MACROD2: variants seen among roughly 807,000 people sequenced by gnomAD.
MACROD2 encodes ADP-ribose glycohydrolase MACROD2.
In MACROD2, 36 loss-of-function variants were observed where a neutral mutation model predicts 70.4. The ratio of observed to expected loss-of-function variants is 0.51; its 90% CI spans 0.39 to 0.68. MACROD2 has a LOEUF of 0.68. Ranked by LOEUF, MACROD2 falls within the 30% of genes least tolerant of loss-of-function variation. The pLI is 0.00. For missense variants in MACROD2, 496 were observed against 538.4 expected, an observed-to-expected ratio of 0.92 and a Z score of 0.78; for synonymous variants, 172 against 178.8, an observed-to-expected ratio of 0.96 and a Z score of 0.30.
At chr20:15,169,363 A>G (rs1305578383) in intron 5 of MACROD2, among the ~76,000 whole-genome samples, 1 of 152,134 alleles carries the variant, frequency 6.6e-6, no homozygotes. Context: ...AGGAAGTGCA[A>G]TACTTTTCAG....
At chr20:15,482,581 C>T (rs773413498) in intron 7 of MACROD2, among the ~76,000 whole-genome samples, 2 of 152,122 alleles carry the variant, frequency 1.3e-5, no homozygotes, top group Non-Finnish European at 2.9e-5. Flanking sequence ...TGTGCGAATA[C>T]CAAGGTGTGA....
intron 3 of MACROD2, among the ~76,000 whole-genome samples, chr20:14,150,809 G>A (rs2055009294): frequency 6.6e-6 from 1 of 152,056 alleles, no homozygotes; most frequent in South Asian, 2.1e-4. Context: ...AAAATGATGA[G>A]GAATCTAGTC....
intron 3 of MACROD2, among the ~76,000 whole-genome samples, chr20:14,182,272 G>T (rs559436073): frequency 5.3e-5 from 8 of 152,122 alleles, no homozygotes; most frequent in Non-Finnish European, 8.8e-5. Context: ...TTACTGATCA[G>T]TTGTCTTTGG....
At chr20:15,816,286 C>T (rs2147095462) in intron 8 of MACROD2, among the ~76,000 whole-genome samples, 2 of 152,092 alleles carry the variant, frequency 1.3e-5, no homozygotes, top group South Asian at 4.2e-4. Flanking sequence ...TGTAAGTGTT[C>T]TGTGATCAAG....
At chr20:15,435,317 A>G (rs534772560) in intron 7 of MACROD2, among the ~76,000 whole-genome samples, 33 of 152,306 alleles carry the variant, frequency 2.2e-4, no homozygotes, top group African/African-American at 1.2e-4. Context: ...ATATTTATGT[A>G]TCTATAATTC....
intron 5 of MACROD2, among the ~76,000 whole-genome samples, chr20:15,104,199 A>C (rs2075894155): frequency 6.6e-6 from 1 of 152,146 alleles, no homozygotes; most frequent in African/African-American, 2.4e-5. Flanking sequence ...CGGAACTGAA[A>C]GACTAACCTA....
intron 7 of MACROD2, among the ~76,000 whole-genome samples, chr20:15,486,940 G>A (rs572906722): frequency 5.8e-4 from 89 of 152,334 alleles, no homozygotes; most frequent in Admixed American, 7.8e-4. Flanking sequence ...GTTGGCTGTG[G>A]TTTAACTGAT....
At chr20:15,316,429 A>G (rs2077811741) in intron 6 of MACROD2, among the ~76,000 whole-genome samples, 1 of 152,114 alleles carries the variant, frequency 6.6e-6, no homozygotes, top group Non-Finnish European at 1.5e-5. Context: ...TCTTTTAGTC[A>G]AAAGCTATTA....
chr20:15,474,420 C>A, intron 7 of MACROD2, among the ~76,000 whole-genome samples: 1 of 152,166 alleles, frequency 6.6e-6, no homozygotes, highest in East Asian at 1.9e-4. Context: ...ATAGTGTGAG[C>A]AAAAGATAAT....
At position 15,236,813 on chromosome 20, in the gene MACROD2, A is replaced by C. The variant is rs73612401; in HGVS notation, c.540+6752A>C. ...CTACTGGTCTTAGCTCAAGTGAATT[A>C]AGGTCTTACCTTGAACAAAAAGTTG... On this transcript the variant is annotated intron_variant, in intron 6 of 17. Coordinates refer to ENST00000684519, the MANE Select transcript of MACROD2 (RefSeq NM_001351661.2). Among the ~76,000 whole-genome samples the C allele has an allele frequency of 3.3e-5, 5 of 152,320 alleles. No homozygotes were observed. In the East Asian group the frequency reaches 9.7e-4, roughly 29 times the overall value.
chr20:15,276,796 A>G (rs1473675489), intron 6 of MACROD2, among the ~76,000 whole-genome samples: 1 of 152,240 alleles, frequency 6.6e-6, no homozygotes. Context: ...GTGATGGAAG[A>G]CAAAACTTTG....
chr20:14,689,709 C>G (rs947335061), intron 5 of MACROD2, among the ~76,000 whole-genome samples: 7 of 152,138 alleles, frequency 4.6e-5, no homozygotes, highest in Non-Finnish European at 7.4e-5. Context: ...GTCTTCTCGC[C>G]TCACCTCAGC....
intron 3 of MACROD2, among the ~76,000 whole-genome samples, chr20:14,093,599 G>C (rs1367604664): frequency 6.6e-6 from 1 of 151,586 alleles, no homozygotes; most frequent in Non-Finnish European, 1.5e-5. Context: ...CATATGCTTA[G>C]CTCTTTACGG....
chr20:15,268,697 A>T (rs952932758), intron 6 of MACROD2, among the ~76,000 whole-genome samples: 1 of 152,024 alleles, frequency 6.6e-6, no homozygotes, highest in Admixed American at 6.6e-5. Context: ...CTTTTTCCTT[A>T]CTGGCTTTGA....
intron 5 of MACROD2, among the ~76,000 whole-genome samples, chr20:15,083,658 G>A (rs1387400638): frequency 6.6e-6 from 1 of 151,558 alleles, no homozygotes; most frequent in Non-Finnish European, 1.5e-5. Flanking sequence ...TGTAATGGTT[G>A]GTATTAGAGC....
chr20:15,833,636 A>T (rs1048612381), intron 8 of MACROD2, among the ~76,000 whole-genome samples: 2 of 152,212 alleles, frequency 1.3e-5, no homozygotes, highest in African/African-American at 4.8e-5. Flanking sequence ...TGAACATAGC[A>T]AAGAAAGATA....
chr20:14,151,916 G>A (rs756385493), intron 3 of MACROD2, among the ~76,000 whole-genome samples: 18 of 149,416 alleles, frequency 1.2e-4, no homozygotes, highest in East Asian at 6.0e-4. Flanking sequence ...CTGCCCCCCG[G>A]GTTCATGCCA....
chr20:15,880,113 A>C (rs2064733732), intron 9 of MACROD2, among the ~76,000 whole-genome samples: 1 of 151,994 alleles, frequency 6.6e-6, no homozygotes, highest in Non-Finnish European at 1.5e-5. Flanking sequence ...TCTCATTCAG[A>C]AACACTCACA....
chr20:15,893,189 T>C (rs2064915816), intron 10 of MACROD2, among the ~76,000 whole-genome samples: 1 of 152,254 alleles, frequency 6.6e-6, no homozygotes, highest in East Asian at 1.9e-4. Context: ...CTCAAGTTTA[T>C]TTTGTTAAGG....
Sources: gnomAD v4.1 joint callset for allele counts (sites outside exome capture counted in the v4.1 genomes callset) on GRCh38, gnomAD v4.1.1 for gene constraint, MANE v1.5 for transcripts, NCBI Gene and HGNC (gene_info 2026-07-23, HGNC 2026-07-21) for gene names.